ITGA9: variants seen among roughly 807,000 people sequenced by gnomAD.
The protein encoded by ITGA9 is integrin alpha-9.
Under a neutral mutation model 127.8 loss-of-function variants are expected in ITGA9, and 56 were observed. The observed-to-expected ratio is 0.44, with a 90% CI of 0.35 to 0.55. The LOEUF is 0.55. Among genes scored for constraint, ITGA9 ranks in the 20% least tolerant of loss-of-function variants. The pLI is 0.00. For missense variants in ITGA9, 1,196 were observed against 1,347.1 expected (o/e 0.89, Z 1.76); for synonymous variants, 508 against 514.5 (o/e 0.99, Z 0.17).
At chr3:37,725,611 C>T (rs1256522560) in intron 18 of ITGA9, among the ~76,000 whole-genome samples, 1 of 152,184 alleles carries the variant, frequency 6.6e-6, no homozygotes, top group African/African-American at 2.4e-5. Flanking sequence ...AGTGATATAA[C>T]TTCACATTCC....
intron 15 of ITGA9, among the ~76,000 whole-genome samples, chr3:37,618,746 T>A (rs562502814): frequency 1.3e-5 from 2 of 152,344 alleles, no homozygotes; most frequent in African/African-American, 4.8e-5. Flanking sequence ...TCCGTGGGCG[T>A]AGGACTCTCC....
chr3:37,479,314 G>A (rs138551830), intron 3 of ITGA9, among the ~76,000 whole-genome samples: 1 of 152,334 alleles, frequency 6.6e-6, no homozygotes, highest in African/African-American at 2.4e-5. Context: ...ATCAAGGAGA[G>A]GAGTGAATGT....
chr3:37,616,164 G>A (rs1247992215), intron 15 of ITGA9, among the ~76,000 whole-genome samples: 2 of 152,184 alleles, frequency 1.3e-5, no homozygotes, highest in African/African-American at 4.8e-5. Flanking sequence ...GGTATGTTGT[G>A]TCTTTGTTCT....
At chr3:37,587,497 A>G (rs1024985600) in intron 15 of ITGA9, among the ~76,000 whole-genome samples, 1 of 152,104 alleles carries the variant, frequency 6.6e-6, no homozygotes, top group African/African-American at 2.4e-5. Context: ...ATAGTTTGTA[A>G]TATCCTTCAA....
intron 15 of ITGA9, among the ~76,000 whole-genome samples, chr3:37,578,419 A>G (rs985486001): frequency 3.9e-5 from 6 of 152,142 alleles, no homozygotes; most frequent in Non-Finnish European, 8.8e-5. Flanking sequence ...TTGGTGGGAA[A>G]CGTAAAGGCC....
intron 16 of ITGA9, among the ~76,000 whole-genome samples, chr3:37,645,554 A>G (rs192475037): frequency 3.7e-4 from 57 of 152,052 alleles, no homozygotes; most frequent in Non-Finnish European, 5.3e-4. Flanking sequence ...ACAGAACAAG[A>G]CTCATCTCAA....
At chr3:37,744,559 A>G (rs1005989283) in intron 22 of ITGA9, among the ~76,000 whole-genome samples, 19 of 152,218 alleles carry the variant, frequency 1.2e-4, no homozygotes, top group Admixed American at 1.1e-3. Context: ...TCACTGAGCC[A>G]TGGCTGGCTT....
chr3:37,564,363 A>G (rs1436299525), intron 15 of ITGA9, among the ~76,000 whole-genome samples: 1 of 152,130 alleles, frequency 6.6e-6, no homozygotes, highest in Non-Finnish European at 1.5e-5. Flanking sequence ...CTGTTTCAAG[A>G]TATGGCAAGC....
intron 13 of ITGA9, among the ~76,000 whole-genome samples, chr3:37,531,071 A>T (rs575711753): frequency 1.3e-5 from 2 of 152,162 alleles, no homozygotes; most frequent in East Asian, 3.9e-4. Context: ...TCTTAAGAAA[A>T]AAAAAGCACT....
At chr3:37,749,912 C>T (rs1413384523) in intron 22 of ITGA9, among the ~76,000 whole-genome samples, 1 of 152,122 alleles carries the variant, frequency 6.6e-6, no homozygotes, top group Non-Finnish European at 1.5e-5. Context: ...GAGGTTGGAC[C>T]AGATCTGTGG....
At chr3:37,590,006 C>T (rs939007428) in intron 15 of ITGA9, among the ~76,000 whole-genome samples, 2 of 152,192 alleles carry the variant, frequency 1.3e-5, no homozygotes, top group African/African-American at 4.8e-5. Context: ...CCCCTCTCTA[C>T]CTGCAGCCGC....
rs527352740 is a variant in ITGA9 at position 37,812,519 on chromosome 3, C to T, written c.3010-6372C>T. 2.0e-5 allele frequency among the ~76,000 whole-genome samples: 3 copies of T among 152,332 alleles called. No individual in the cohort carries two copies. The South Asian group carries it at 6.2e-4, about 32-fold the overall frequency. On this transcript the variant is annotated intron_variant, in intron 27 of 27. Coordinates refer to ENST00000264741, the MANE Select transcript of ITGA9 (RefSeq NM_002207.3). ...CAGGCCTCATGCCTCACGCAGCACC[C>T]ATCTAAGTAAGGCTGTTTGGGGCAA...
intron 15 of ITGA9, chr3:37,585,522 G>A: frequency 2.1e-6 from 1 of 466,652 alleles, no homozygotes; most frequent in Non-Finnish European, 4.3e-6. Flanking sequence ...TTCTTAGCAT[G>A]CCCGTTGGGA....
At chr3:37,583,354 A>G (rs75924033) in intron 15 of ITGA9, among the ~76,000 whole-genome samples, 245 of 152,308 alleles carry the variant, frequency 1.6e-3, no homozygotes, top group African/African-American at 5.8e-3. Context: ...TAGAAAACAT[A>G]TGCATGTGCA....
At position 37,651,119 on chromosome 3, in the gene ITGA9, G is replaced by A. The variant is rs188207147; in HGVS notation, c.1840-2595G>A. Among the ~76,000 whole-genome samples, 55 of 152,190 alleles carry A rather than the reference G, an allele frequency of 3.6e-4. 1 individual carries two copies. The highest frequency in any genetic ancestry group is 1.2e-3 in the Admixed American group (19 of 15,288). On this transcript the variant is annotated intron_variant, in intron 16 of 27. Coordinates refer to ENST00000264741, the MANE Select transcript of ITGA9 (RefSeq NM_002207.3). ...CCTGTAGGGATATTTGTGTACATGT[G>A]CATGTGTGCATATACACACACGCAC...
intron 23 of ITGA9, among the ~76,000 whole-genome samples, chr3:37,771,471 G>A (rs750612782): frequency 1.3e-5 from 2 of 152,188 alleles, no homozygotes; most frequent in Non-Finnish European, 2.9e-5. Flanking sequence ...CTCATGTGTA[G>A]ATGAGGAAAC....
intron 18 of ITGA9, among the ~76,000 whole-genome samples, chr3:37,715,382 G>GA (rs1401514939): frequency 2.0e-5 from 3 of 152,198 alleles, no homozygotes; most frequent in African/African-American, 7.2e-5. Flanking sequence ...AAGTCAGTTT[G>GA]AAAAAAACAT....
At chr3:37,768,322 C>A (rs2125545963) in intron 23 of ITGA9, among the ~76,000 whole-genome samples, 1 of 152,206 alleles carries the variant, frequency 6.6e-6, no homozygotes, top group African/African-American at 2.4e-5. Context: ...GCTAATCAAC[C>A]AGCTGGTATC....
intron 15 of ITGA9, among the ~76,000 whole-genome samples, chr3:37,620,853 G>A (rs2125631204): frequency 6.6e-6 from 1 of 152,244 alleles, no homozygotes; most frequent in South Asian, 2.1e-4. Flanking sequence ...ATTCTTGTAA[G>A]GGCACCTTCT....
Sources: allele counts gnomAD v4.1 joint callset (sites outside exome capture counted in the v4.1 genomes callset), GRCh38; gene constraint gnomAD v4.1.1; transcripts MANE v1.5; gene names NCBI Gene and HGNC (gene_info 2026-07-23, HGNC 2026-07-21).